Variants in MYH10 observed in about 807,000 individuals in gnomAD.
MYH10 encodes myosin heavy chain 10.
In MYH10, 55 loss-of-function variants were observed where a neutral mutation model predicts 257.8. That is an observed-to-expected ratio of 0.21 (90% CI 0.17 to 0.27). MYH10 has a LOEUF of 0.27. Ranked by LOEUF, MYH10 falls within the 10% of genes least tolerant of loss-of-function variation. MYH10 has a pLI of 1.00. For synonymous variants in MYH10, 854 were observed against 921.7 expected (o/e 0.93, Z 1.33); for missense variants, 1,631 against 2,500.6 (o/e 0.65, Z 7.42).
chr17:8,514,065 C>T (rs1057012214), intron 21 of MYH10, among the ~76,000 whole-genome samples, 171 bp from the exon 22 acceptor site: 1 of 152,212 alleles, frequency 6.6e-6, no homozygotes, highest in Admixed American at 6.5e-5. Context: ...CCGCTCGAAG[C>T]CACACTGGCT....
rs1407636687 is a variant in MYH10 at position 8,530,020 on chromosome 17, G to C, written c.1957+603C>G. On this transcript the variant is annotated intron_variant, in intron 17 of 42. Transcript: ENST00000360416. ...TTCCACTCTATTTTAGTCTCAACTT[G>C]CACATATCAGGCCTTGTAGATAGTT... Among the ~76,000 whole-genome samples, 4 of 152,278 alleles carry C rather than the reference G, an allele frequency of 2.6e-5. No homozygotes were observed. In the East Asian group the frequency reaches 7.7e-4, roughly 29 times the overall value.
At position 8,506,425 on chromosome 17, in the gene MYH10, C is replaced by T; in HGVS notation, c.3279G>A (p.Gly1093=). Residue 1093 remains glycine (G), a synonymous_variant, in exon 27 of 43, where the codon GGG becomes GGA. Transcript: ENST00000360416. The surrounding 1 kb of genome is among the most constrained non-coding windows in gnomAD (Gnocchi z 5.0). ...ELEKAKRKLD[G]ETTDLQDQIA... ...TCTGGTCCTGCAGGTCGGTCGTCTC[C>T]CCGTCGAGTTTTCTTTTGGCCTTTT... 6.2e-7 allele frequency: 1 copy of T among 1,612,900 alleles called. No homozygotes were observed. Among genetic ancestry groups the T allele is most frequent in the South Asian group, 1.1e-5 (1 of 90,846 alleles).
At chr17:8,573,339 A>C (rs1357066026) in intron 6 of MYH10, among the ~76,000 whole-genome samples, 1 of 152,220 alleles carries the variant, frequency 6.6e-6, no homozygotes, top group African/African-American at 2.4e-5. Flanking sequence ...AGGCAGCAGC[A>C]ACCAACCACA....
chr17:8,598,710 C>T (rs1319511598), intron 3 of MYH10, among the ~76,000 whole-genome samples: 4 of 142,828 alleles, frequency 2.8e-5, no homozygotes, highest in South Asian at 4.4e-4. Context: ...CATTTTGTAC[C>T]TTTTTTTTTT....
chr17:8,550,859 T>C (rs1896104038), intron 9 of MYH10, among the ~76,000 whole-genome samples: 1 of 152,008 alleles, frequency 6.6e-6, no homozygotes. Context: ...CTGTGCTCTC[T>C]GAAACATGTA....
intron 24 of MYH10, among the ~76,000 whole-genome samples, chr17:8,511,532 A>AAAAAAC (rs1290194754): frequency 6.6e-6 from 1 of 152,202 alleles, no homozygotes; most frequent in Non-Finnish European, 1.5e-5. Context: ...AAACAGAACA[A>AAAAAAC]AAAAACAAAA....
At chr17:8,544,882 C>T (rs1567876121) in intron 13 of MYH10, among the ~76,000 whole-genome samples, 1 of 152,202 alleles carries the variant, frequency 6.6e-6, no homozygotes, top group Admixed American at 6.5e-5. Flanking sequence ...ATCTGCAGTA[C>T]ACAGATCACT....
intron 2 of MYH10, among the ~76,000 whole-genome samples, chr17:8,610,273 A>AAAAAAAAAAAAAAAAG (rs2084980345): frequency 2.2e-5 from 3 of 134,002 alleles, no homozygotes; most frequent in Admixed American, 2.2e-4. Context: ...TAGGATTGCA[A>AAAAAAAAAAAAAAAAG]AAAAAAAAAA....
At position 8,535,122 on chromosome 17, in the gene MYH10, T is replaced by C. The variant is rs2082105393; in HGVS notation, c.1894+265A>G. Reference sequence around the variant, plus strand: ...GGACTGTGGTGGCCTAAGTCATACGTGTACGTCTTTGTGGCTCCGGGCCTA... The same window carrying C: ...GGACTGTGGTGGCCTAAGTCATACGCGTACGTCTTTGTGGCTCCGGGCCTA... On this transcript the variant is annotated intron_variant, in intron 16 of 42. Coordinates refer to ENST00000360416, the MANE Select transcript of MYH10 (RefSeq NM_001256012.3). This position sits in a 1 kb window ranked among gnomAD's most constrained non-coding sequence, Gnocchi z 4.3. Among the ~76,000 whole-genome samples the C allele has an allele frequency of 1.3e-5, 2 of 152,156 alleles. No homozygotes were observed. The highest frequency in any genetic ancestry group is 4.1e-4 in the South Asian group (2 of 4,820).
At chr17:8,605,595 T>G (rs1010176037) in intron 2 of MYH10, among the ~76,000 whole-genome samples, 54 of 152,104 alleles carry the variant, frequency 3.6e-4, no homozygotes, top group African/African-American at 1.2e-3. Context: ...AATACAAAAA[T>G]TAGCCGGGCA....
rs936220675 is a variant in MYH10, at chr17:8,535,570, T to G, written c.1780-69A>C. 67 of 1,428,710 alleles carry G rather than the reference T, an allele frequency of 4.7e-5. 1 individual carries two copies. The African/African-American group carries it at 8.3e-4, about 18-fold the overall frequency. 88.5% of individuals were successfully genotyped at this position (1,428,710 alleles called of 1,614,324 possible). ...AACCAAATGCAAAAACAAAAACACT[T>G]TAAGCCTCAACCAGAAACTTTTATA... is the stretch of plus-strand genomic sequence containing the variant. On this transcript the variant is annotated intron_variant, in intron 15 of 42. Coordinates refer to ENST00000360416, the MANE Select transcript of MYH10 (RefSeq NM_001256012.3). The surrounding 1 kb of genome is among the most constrained non-coding windows in gnomAD (Gnocchi z 4.3).
chr17:8,591,686 C>A (rs2084146899), intron 3 of MYH10, among the ~76,000 whole-genome samples: 4 of 151,564 alleles, frequency 2.6e-5, no homozygotes, highest in African/African-American at 9.7e-5. Context: ...CTTCCTGCGT[C>A]TGTACATGCT....
chr17:8,499,036 G>A (rs4791318), intron 30 of MYH10, among the ~76,000 whole-genome samples: 140,077 of 152,206 alleles, frequency 0.92, 65,606 homozygotes, highest in East Asian at 1. Flanking sequence ...ACACAATTCA[G>A]AGTGGAACTG....
chr17:8,550,379 G>A (rs1313181079), intron 9 of MYH10, among the ~76,000 whole-genome samples: 3 of 134,304 alleles, frequency 2.2e-5, no homozygotes, highest in Non-Finnish European at 3.2e-5. Context: ...GCCCGGCCCC[G>A]ACCCCGTCTG....
intron 30 of MYH10, among the ~76,000 whole-genome samples, chr17:8,497,110 A>T (rs1296714659): frequency 6.6e-6 from 1 of 152,190 alleles, no homozygotes; most frequent in Non-Finnish European, 1.5e-5. Flanking sequence ...TCAGCACCTC[A>T]GCCCTCGTGC....
chr17:8,611,565 AAAAACAAAAC>A (rs539705620), intron 2 of MYH10, among the ~76,000 whole-genome samples: 22 of 152,304 alleles, frequency 1.4e-4, no homozygotes, highest in African/African-American at 3.1e-4. Flanking sequence ...TCTAAAACTG[AAAAACAAAAC>A]AAAACAAAAC....
chr17:8,572,267 A>T (rs1462006674), intron 6 of MYH10, among the ~76,000 whole-genome samples: 2 of 143,532 alleles, frequency 1.4e-5, no homozygotes, highest in African/African-American at 2.6e-5. Context: ...TGAGTGAGAG[A>T]GAGAGAGAGA....
intron 6 of MYH10, among the ~76,000 whole-genome samples, chr17:8,575,048 A>G (rs1293420353): frequency 6.6e-6 from 1 of 152,250 alleles, no homozygotes; most frequent in Admixed American, 6.5e-5. Context: ...GAAAAGCAGC[A>G]CTGAAGATTG....
chr17:8,585,262 G>A (rs1456461394), intron 4 of MYH10, among the ~76,000 whole-genome samples: 2 of 124,050 alleles, frequency 1.6e-5, no homozygotes, highest in Non-Finnish European at 3.5e-5. Context: ...CTATATATGT[G>A]TATATATATG....
Sources: allele counts gnomAD v4.1 joint callset (sites outside exome capture counted in the v4.1 genomes callset), GRCh38; gene constraint gnomAD v4.1.1; non-coding constraint Gnocchi (gnomAD v3.1); transcripts MANE v1.5; gene names NCBI Gene and HGNC (gene_info 2026-07-23, HGNC 2026-07-21).